Variants in AKAP9 observed in about 807,000 individuals in gnomAD.
The protein encoded by AKAP9 is A-kinase anchor protein 9.
In AKAP9, 311 loss-of-function variants were observed where a neutral mutation model predicts 488.5. The observed-to-expected ratio is 0.64, with a 90% CI of 0.58 to 0.70. The LOEUF (loss-of-function observed/expected upper bound fraction) is 0.70, where lower values mean the gene tolerates loss of function less well. Among genes scored for constraint, AKAP9 ranks in the 30% least tolerant of loss-of-function variants. The pLI, the probability that AKAP9 is intolerant of heterozygous loss-of-function variation, is 0.00. For synonymous variants in AKAP9, 1,462 were observed against 1,483.5 expected, an observed-to-expected ratio of 0.99 and a Z score of 0.33; for missense variants, 4,215 against 4,374.5, an observed-to-expected ratio of 0.96 and a Z score of 1.03.
At chr7:92,034,334 C>T (rs772084132) in intron 16 of AKAP9, among the ~76,000 whole-genome samples, 1 of 151,894 alleles carries the variant, frequency 6.6e-6, no homozygotes, top group Non-Finnish European at 1.5e-5. Flanking sequence ...CTCCCATATT[C>T]ATGGTGAAAT....
Position 92,102,629 on chromosome 7 carries a change from T to C in AKAP9, c.11133T>C (p.Phe3711=), listed in dbSNP as rs772054284. The C allele has an allele frequency of 5.6e-6, 9 of 1,614,142 alleles. No individual in the cohort carries two copies. The highest frequency in any genetic ancestry group is 7.6e-6 in the Non-Finnish European group (9 of 1,180,054). Residue 3711 remains phenylalanine, a synonymous_variant, in exon 46 of 50, where the codon TTT becomes TTC. Coordinates refer to ENST00000356239, the MANE Select transcript of AKAP9 (RefSeq NM_005751.5). ...GTAAATACTTGAGGGCAGAAAGTTT[T>C]CGAAAGGCTCTCATTTACCAGAAGA... ...IYGKYLRAES[F]RKALIYQKKY...
chr7:92,045,336 CAG>C, intron 21 of AKAP9, 123 bp downstream of exon 21: 1 of 905,564 alleles, frequency 1.1e-6, no homozygotes, highest in South Asian at 1.4e-5. Context: ...GACCTTCAAA[CAG>C]AAATACATTA....
In AKAP9 at chr7:92,031,518, G is replaced by C; in HGVS notation, c.4252G>C (p.Gly1418Arg). ...ATTTTGCTTTTAAATGTAGTTTTCT[G>C]GTGAATTTGGAGTGAAAGAGGAAAC... ...KNIDGTIEFS[G>R]EFGVKEETNI... Residue 1418 changes from glycine to arginine, a missense_variant, in exon 16 of 50, where the codon GGT becomes CGT. This residue lies in a region of AKAP9 where 2,361 missense variants were observed against 2,430.0 expected (regional missense o/e 0.97). Transcript: ENST00000356239. 1 of 1,608,928 alleles carries C rather than the reference G, an allele frequency of 6.2e-7. No individual in the cohort carries two copies. Among genetic ancestry groups the C allele is most frequent in the Non-Finnish European group, 8.5e-7 (1 of 1,175,852 alleles).
At chr7:92,086,097 AAAAT>A (rs1222306666) in intron 36 of AKAP9, 127 bp from the exon 37 acceptor site, 36 of 827,190 alleles carry the variant, frequency 4.4e-5, no homozygotes, top group Non-Finnish European at 6.1e-5. Flanking sequence ...CAAAAAGAAA[AAAAT>A]AAATAAATAA....
In AKAP9 at chr7:91,993,074, G is replaced by A. The variant is rs1333477391; in HGVS notation, c.576+19G>A. ...GCAGCAGGTATGTTTATTTTCTGTG[G>A]CTTTTGATTTGCTACTCACAAAAAC... On this transcript the variant is annotated intron_variant, in intron 5 of 49. Transcript: ENST00000356239. 3 of 1,613,802 alleles carry A rather than the reference G, an allele frequency of 1.9e-6. No homozygotes were observed. In the South Asian group the frequency reaches 3.3e-5, roughly 18 times the overall value.
chr7:92,000,810 A>G (rs1160267886), intron 7 of AKAP9, 38 bp from the exon 8 acceptor site: 2 of 1,149,678 alleles, frequency 1.7e-6, no homozygotes, highest in East Asian at 5.3e-5. Flanking sequence ...CCAGAAGCTA[A>G]AAATGCCATT....
At chr7:92,051,968 A>G (rs1808055385) in intron 21 of AKAP9, among the ~76,000 whole-genome samples, 1 of 152,176 alleles carries the variant, frequency 6.6e-6, no homozygotes, top group South Asian at 2.1e-4. Flanking sequence ...TCTTCTACCC[A>G]TGCAAACTCA....
At chr7:92,101,795 AAG>A (rs1467088162) in intron 45 of AKAP9, among the ~76,000 whole-genome samples, 1 of 152,210 alleles carries the variant, frequency 6.6e-6, no homozygotes, top group Non-Finnish European at 1.5e-5. Flanking sequence ...TCAAAACAAA[AAG>A]AAAAACTTTT....
rs778262629 is a variant in AKAP9 at position 92,052,800 on chromosome 7, A to G, written c.5443A>G (p.Thr1815Ala). The change falls in exon 22 of 50, where the codon ACT (threonine) becomes GCT (alanine). Residue 1815 changes from threonine to alanine, a missense_variant. Coordinates refer to ENST00000356239, the MANE Select transcript of AKAP9 (RefSeq NM_005751.5). ...TGACATTAACATGTGGTCAAAAGTAACTGAGGAAGGAACAGAGCTGTCACA... is the reference window on the plus strand; with the variant it reads ...TGACATTAACATGTGGTCAAAAGTAGCTGAGGAAGGAACAGAGCTGTCACA... ...RNDINMWSKV[T>A]EEGTELSQRL... 5 of 1,613,754 alleles carry G rather than the reference A, an allele frequency of 3.1e-6. No individual in the cohort carries two copies. Among genetic ancestry groups the G allele is most frequent in the Non-Finnish European group, 3.4e-6 (4 of 1,179,840 alleles).
chr7:91,942,071 C>A (rs967200758), intron 1 of AKAP9, among the ~76,000 whole-genome samples: 1 of 152,146 alleles, frequency 6.6e-6, no homozygotes, highest in African/African-American at 2.4e-5. Context: ...TTTGTCTGGG[C>A]TCAAAAGCCC....
Position 92,022,228 on chromosome 7 carries a change from T to C in AKAP9, c.3838-10T>C, listed in dbSNP as rs1426775226. 3.0e-5 allele frequency: 48 copies of C among 1,579,200 alleles called. No homozygotes were observed. Among genetic ancestry groups the C allele is most frequent in the Non-Finnish European group, 4.1e-5 (47 of 1,148,472 alleles). The stretch of plus-strand genomic sequence containing the variant: ...TTATGTTACTGCTTTTATTCTGTGG[T>C]TTTCAATAGATCTGGGGACAGCAGA... On this transcript the variant is annotated splice_polypyrimidine_tract_variant and intron_variant, in intron 12 of 49. Transcript: ENST00000356239.
rs1446704941 is a variant in AKAP9, at chr7:92,079,074, A to G, written c.6946-5A>G. The G allele has an allele frequency of 1.3e-6, 2 of 1,570,904 alleles. No individual in the cohort carries two copies. Among genetic ancestry groups the G allele is most frequent in the African/African-American group, 1.4e-5 (1 of 72,406 alleles). On this transcript the variant is annotated splice_polypyrimidine_tract_variant and splice_region_variant and intron_variant, in intron 30 of 49. Transcript: ENST00000356239. ...ATGTATGTTACCTTTTTCATTAATTATTAGGTTATTGAAGAAAAAAATGAA... is the reference window on the plus strand; with the variant it reads ...ATGTATGTTACCTTTTTCATTAATTGTTAGGTTATTGAAGAAAAAAATGAA...
intron 1 of AKAP9, chr7:91,970,532 G>C: frequency 2.2e-6 from 1 of 453,904 alleles, no homozygotes; most frequent in South Asian, 1.6e-5. Flanking sequence ...AATTCTCTCA[G>C]CTTTTGTTTG....
chr7:92,099,585 C>T (rs145918418), intron 43 of AKAP9, 102 bp from the exon 44 acceptor site: 483 of 1,131,854 alleles, frequency 4.3e-4, no homozygotes, highest in Non-Finnish European at 5.7e-4. Context: ...AACTCAAGCA[C>T]CAATTCATGA....
rs750611004 is a variant in AKAP9 at position 92,022,885 on chromosome 7, G to C, written c.4024G>C (p.Glu1342Gln). 2 of 1,612,126 alleles carry C rather than the reference G, an allele frequency of 1.2e-6. No homozygotes were observed. Among genetic ancestry groups the C allele is most frequent in the Admixed American group, 3.3e-5 (2 of 59,982 alleles). Residue 1342 changes from glutamate to glutamine, a missense_variant, in exon 14 of 50, where the codon GAA becomes CAA. By Grantham distance (29) the Glu-to-Gln change is conservative (BLOSUM62 2). Transcript: ENST00000356239. ...AACTAAACTTGAAGAACAAGTTCAAGAATTAGAAAGCCTCATATCCTCTTT... is the reference window on the plus strand; with the variant it reads ...AACTAAACTTGAAGAACAAGTTCAACAATTAGAAAGCCTCATATCCTCTTT... Reference protein sequence around the residue: ...EKTKLEEQVQELESLISSLQQ... With the variant: ...EKTKLEEQVQQLESLISSLQQ...
In AKAP9 at chr7:92,065,481, G is replaced by A. The variant is rs768368516; in HGVS notation, c.6210+18G>A. On this transcript the variant is annotated intron_variant, in intron 25 of 49. Transcript: ENST00000356239. Reference sequence around the variant, plus strand: ...TTTTAGATGTAAGTATTCTCAAGTTGAATACTGATTTTTCTCAGTGGAATG... The same window carrying A: ...TTTTAGATGTAAGTATTCTCAAGTTAAATACTGATTTTTCTCAGTGGAATG... The A allele has an allele frequency of 1.3e-5, 20 of 1,540,494 alleles. No homozygotes were observed. The Admixed American group carries it at 3.2e-4, about 25-fold the overall frequency.
chr7:92,063,242 G>C (rs1214307936), intron 24 of AKAP9, among the ~76,000 whole-genome samples: 1 of 152,060 alleles, frequency 6.6e-6, no homozygotes, highest in Non-Finnish European at 1.5e-5. Context: ...TAATTAAACA[G>C]GTTTAGTTTG....
chr7:91,962,814 T>C (rs1284409413), intron 1 of AKAP9, among the ~76,000 whole-genome samples: 1 of 144,446 alleles, frequency 6.9e-6, no homozygotes, highest in Non-Finnish European at 1.5e-5. Context: ...ATGAATATTA[T>C]TGTTTCAGAT....
intron 2 of AKAP9, 89 bp downstream of exon 2, chr7:91,974,057 C>T: frequency 1.3e-6 from 2 of 1,502,006 alleles, no homozygotes; most frequent in Non-Finnish European, 1.8e-6. Flanking sequence ...GCAATTTGAT[C>T]ATGATTTTTA....
Sources: gnomAD v4.1 joint callset for allele counts (sites outside exome capture counted in the v4.1 genomes callset) on GRCh38, gnomAD v4.1.1 for gene constraint, gnomAD v4.1.1 regional missense constraint, MANE v1.5 for transcripts, NCBI Gene and HGNC (gene_info 2026-07-23, HGNC 2026-07-21) for gene names.